Variants in SLC4A4 observed in about 807,000 individuals in gnomAD.
SLC4A4 encodes solute carrier family 4 member 4.
A neutral mutation model predicts 111.5 loss-of-function variants in SLC4A4; 27 were observed. The observed-to-expected ratio is 0.24, with a 90% CI of 0.18 to 0.33. The LOEUF (loss-of-function observed/expected upper bound fraction) is 0.33, where lower values mean the gene tolerates loss of function less well. Ranked by LOEUF, SLC4A4 falls within the 10% of genes least tolerant of loss-of-function variation. The pLI, the probability that SLC4A4 is intolerant of heterozygous loss-of-function variation, is 1.00. For synonymous variants in SLC4A4, 443 were observed against 463.4 expected, an observed-to-expected ratio of 0.96 and a Z score of 0.57; for missense variants, 909 against 1,315.5, an observed-to-expected ratio of 0.69 and a Z score of 4.78.
chr4:71,331,744 A>AT (rs1728013871), intron 3 of SLC4A4, among the ~76,000 whole-genome samples: 1 of 151,746 alleles, frequency 6.6e-6, no homozygotes, highest in Non-Finnish European at 1.5e-5. Context: ...AAAAAAAAAA[A>AT]GAAATGGTTT....
intron 7 of SLC4A4, among the ~76,000 whole-genome samples, chr4:71,419,477 G>T (rs573885624): frequency 6.6e-6 from 1 of 152,184 alleles, no homozygotes; most frequent in Admixed American, 6.5e-5. Flanking sequence ...GCGAGACTCC[G>T]TGGGCGTAGG....
rs1342748430 is a variant in SLC4A4 at position 71,467,939 on chromosome 4, A to T, written c.1631+1362A>T. Among the ~76,000 whole-genome samples, 4 of 152,148 alleles carry T rather than the reference A, an allele frequency of 2.6e-5. No homozygotes were observed. The East Asian group carries it at 7.8e-4, about 30-fold the overall frequency. ...GGATTTTAATTTTAGAACTGTCATT[A>T]CCTTCATAGTACATCATGGACTTAT... On this transcript the variant is annotated intron_variant, in intron 13 of 25. Coordinates refer to ENST00000264485, the MANE Select transcript of SLC4A4 (RefSeq NM_001098484.3).
chr4:71,125,371 G>A (rs1743532703), intron 2 of SLC4A4, among the ~76,000 whole-genome samples: 1 of 152,154 alleles, frequency 6.6e-6, no homozygotes, highest in South Asian at 2.1e-4. Context: ...CCAGGACTTG[G>A]AGGCCAGCCT....
At chr4:71,434,773 A>G (rs957220080) in intron 7 of SLC4A4, among the ~76,000 whole-genome samples, 3 of 152,174 alleles carry the variant, frequency 2.0e-5, no homozygotes, top group South Asian at 2.1e-4. Context: ...CTATACACCA[A>G]TAATAGACAA....
Position 71,093,275 on chromosome 4 carries a change from C to T in SLC4A4, c.-2+483C>T, listed in dbSNP as rs1270694774. On this transcript the variant is annotated intron_variant, in intron 2 of 26. Coordinates refer to the SLC4A4 transcript ENST00000649996. The stretch of plus-strand genomic sequence containing the variant: ...CTCTACCTCCCAGGTTCAAGCAATT[C>T]TCCTGCCTCAGCCTCCCGAGTAGCT... Among the ~76,000 whole-genome samples the T allele has an allele frequency of 4.6e-5, 7 of 151,684 alleles. No homozygotes were observed. The South Asian group carries it at 8.3e-4, about 18-fold the overall frequency.
chr4:71,286,454 T>G (rs535409210), intron 3 of SLC4A4, among the ~76,000 whole-genome samples: 29 of 152,356 alleles, frequency 1.9e-4, no homozygotes, highest in African/African-American at 7.0e-4. Flanking sequence ...AAGGGCCATT[T>G]GCTTTGGAGA....
chr4:71,422,308 A>G (rs1722603741), intron 7 of SLC4A4, among the ~76,000 whole-genome samples: 1 of 146,718 alleles, frequency 6.8e-6, no homozygotes, highest in Non-Finnish European at 1.5e-5. Context: ...ATCTCTGAAT[A>G]GACCAATAAC....
intron 2 of SLC4A4, among the ~76,000 whole-genome samples, chr4:71,156,890 C>T (rs1047695663): frequency 1.3e-5 from 2 of 152,082 alleles, no homozygotes; most frequent in African/African-American, 4.8e-5. Flanking sequence ...TTATTCAGCT[C>T]ATGCTTAGGA....
intron 7 of SLC4A4, among the ~76,000 whole-genome samples, chr4:71,413,041 C>T (rs754429602): frequency 6.6e-6 from 1 of 152,172 alleles, no homozygotes. Context: ...ATGAAGAACC[C>T]CTCAACCAAA....
intron 1 of SLC4A4, among the ~76,000 whole-genome samples, chr4:71,201,852 G>T (rs1223885563): frequency 6.6e-6 from 1 of 152,220 alleles, no homozygotes; most frequent in East Asian, 1.9e-4. Context: ...CCAGAAGAAA[G>T]ATGCAAAAGA....
intron 16 of SLC4A4, among the ~76,000 whole-genome samples, chr4:71,501,358 T>C (rs1174906150): frequency 6.6e-6 from 1 of 152,022 alleles, no homozygotes; most frequent in Non-Finnish European, 1.5e-5. Context: ...GGAGTCTTTA[T>C]GTAAGATCAT....
rs1380022048 is a variant in SLC4A4, at chr4:71,532,198, G to A, written c.2280+23G>A. ...AAGGTAGGTGAATGTCTATCTTTTGGTCATTCCTGGAACTCTTTTTCTTTC... is the reference window on the plus strand; with the variant it reads ...AAGGTAGGTGAATGTCTATCTTTTGATCATTCCTGGAACTCTTTTTCTTTC... On this transcript the variant is annotated intron_variant, in intron 17 of 25. Transcript: ENST00000264485. 6 of 1,283,604 alleles carry A rather than the reference G, an allele frequency of 4.7e-6. No individual in the cohort carries two copies. In the Admixed American group the frequency reaches 8.4e-5, roughly 18 times the overall value. 79.5% of individuals were successfully genotyped at this position (1,283,604 alleles called of 1,614,324 possible). A position where few individuals can be genotyped will look rare whatever the true frequency, so the allele number is the denominator to read the frequency against.
At chr4:71,397,252 G>A (rs998279751) in intron 6 of SLC4A4, among the ~76,000 whole-genome samples, 7 of 152,176 alleles carry the variant, frequency 4.6e-5, no homozygotes, top group African/African-American at 1.4e-4. Flanking sequence ...TGTATGTAAA[G>A]GGCAATGACA....
chr4:71,211,244 G>C (rs997345486), intron 1 of SLC4A4, among the ~76,000 whole-genome samples: 1 of 152,092 alleles, frequency 6.6e-6, no homozygotes, highest in East Asian at 1.9e-4. Context: ...GGCAGATTCA[G>C]AAAAGATTTA....
chr4:71,238,172 C>T (rs1018717995), intron 2 of SLC4A4, among the ~76,000 whole-genome samples: 5 of 152,150 alleles, frequency 3.3e-5, no homozygotes, highest in Admixed American at 6.5e-5. Context: ...TTGGGAGTGA[C>T]ATATACTGTG....
rs186578236 is a variant in SLC4A4, at chr4:71,180,049, A to G, written c.-1-56527A>G. 1.5e-3 allele frequency among the ~76,000 whole-genome samples: 231 copies of G among 152,360 alleles called. 1 individual carries two copies. The highest frequency in any genetic ancestry group is 5.1e-3 in the African/African-American group (211 of 41,594). ...ACAGAGCCCTCAGAAATAATGCTGC[A>G]TATCTACCATCATCTGATCTTTGAC... is the stretch of plus-strand genomic sequence containing the variant. On this transcript the variant is annotated intron_variant, in intron 2 of 26. Transcript: ENST00000649996.
At chr4:71,125,963 A>T (rs1743552084) in intron 2 of SLC4A4, among the ~76,000 whole-genome samples, 1 of 152,210 alleles carries the variant, frequency 6.6e-6, no homozygotes. Context: ...AACTGCTGAC[A>T]TGCCTCTATC....
chr4:71,536,489 TATA>T, intron 18 of SLC4A4, among the ~76,000 whole-genome samples: 1 of 123,762 alleles, frequency 8.1e-6, no homozygotes, highest in Non-Finnish European at 1.7e-5. Flanking sequence ...TATATATATG[TATA>T]TATTTATTTA....
chr4:71,408,353 G>T (rs140222802), intron 7 of SLC4A4, among the ~76,000 whole-genome samples: 31 of 152,220 alleles, frequency 2.0e-4, no homozygotes, highest in African/African-American at 7.2e-4. Context: ...GAGTTGTTTT[G>T]TGAAAAGGAA....
Sources: allele counts gnomAD v4.1 joint callset (sites outside exome capture counted in the v4.1 genomes callset), GRCh38; gene constraint gnomAD v4.1.1; transcripts MANE v1.5; gene names NCBI Gene and HGNC (gene_info 2026-07-23, HGNC 2026-07-21).